The following APOLD1 variants were observed in gnomAD, a reference collection of about 807,000 sequenced individuals.
APOLD1 encodes apolipoprotein L domain containing 1, also known as apolipoprotein L domain-containing protein 1.
APOLD1 carries 22 observed loss-of-function variants against 15.3 expected under a neutral mutation model. The observed-to-expected ratio is 1.44, with a 90% confidence interval of 1.03 to 2.05. The LOEUF (loss-of-function observed/expected upper bound fraction) is 2.05, where lower values mean the gene tolerates loss of function less well. APOLD1 is among the 30% of genes most tolerant of loss of function. The pLI is 0.00. For synonymous variants in APOLD1, 190 were observed against 167.4 expected, an observed-to-expected ratio of 1.13 and a Z score of -1.04; for missense variants, 394 against 353.5, an observed-to-expected ratio of 1.11 and a Z score of -0.92.
At chr12:12,730,096 GAC>G (rs1489136380) in intron 1 of APOLD1, among the ~76,000 whole-genome samples, 17 of 149,528 alleles carry the variant, frequency 1.1e-4, no homozygotes, top group Admixed American at 1.1e-3. Flanking sequence ...GAGAGAGAGA[GAC>G]AGACAGGTTC....
intron 1 of APOLD1, 86 bp downstream of exon 1, chr12:12,785,780 G>T: frequency 1.5e-6 from 2 of 1,328,888 alleles, no homozygotes; most frequent in African/African-American, 1.4e-5. Flanking sequence ...TGGTGGGTTG[G>T]ATTATGGAAG....
In APOLD1 at chr12:12,787,679, G is replaced by A. The variant is rs779069669; in HGVS notation, c.*27G>A. The A allele has an allele frequency of 1.3e-6, 2 of 1,550,646 alleles. No individual in the cohort carries two copies. Among genetic ancestry groups the A allele is most frequent in the Admixed American group, 3.7e-5 (2 of 54,662 alleles). The stretch of plus-strand genomic sequence containing the variant: ...AACATCCTTTCCCCCTAATGACCGA[G>A]GCCAGCAAATCATCCTCATGGGATG... On this transcript the variant is annotated 3_prime_UTR_variant, in exon 2 of 2. Coordinates refer to ENST00000356591, the MANE Select transcript of APOLD1 (RefSeq NM_030817.3). This position sits in a 1 kb window ranked among gnomAD's most constrained non-coding sequence, Gnocchi z 4.9.
upstream of APOLD1, chr12:12,785,644 T>C (rs1287363178): frequency 1.2e-6 from 2 of 1,614,058 alleles, no homozygotes; most frequent in Non-Finnish European, 1.7e-6. Context: ...AGCACACTCA[T>C]CCAGAAACAG....
intron 1 of APOLD1, among the ~76,000 whole-genome samples, chr12:12,770,967 A>T (rs1449401526): frequency 1.3e-5 from 2 of 152,172 alleles, no homozygotes; most frequent in African/African-American, 4.8e-5. Context: ...TAATGTGTTG[A>T]GAGAAAAAAA....
intron 1 of APOLD1, among the ~76,000 whole-genome samples, chr12:12,772,114 TA>T (rs1946992745): frequency 6.6e-6 from 1 of 151,524 alleles, no homozygotes; most frequent in South Asian, 2.1e-4. Flanking sequence ...TAGAAAACAA[TA>T]AAAAATATAG....
chr12:12,730,506 C>T (rs1252236825), intron 1 of APOLD1, among the ~76,000 whole-genome samples: 6 of 151,422 alleles, frequency 4.0e-5, no homozygotes, highest in African/African-American at 1.5e-4. Flanking sequence ...CATGGTGAAA[C>T]CCCATCTCTA....
chr12:12,764,455 A>G (rs139979638), intron 1 of APOLD1, among the ~76,000 whole-genome samples: 4 of 152,360 alleles, frequency 2.6e-5, no homozygotes, highest in African/African-American at 7.2e-5. Flanking sequence ...GAAAACCACA[A>G]CCACATATGT....
At chr12:12,730,728 T>G (rs915258095) in intron 1 of APOLD1, among the ~76,000 whole-genome samples, 26 of 119,762 alleles carry the variant, frequency 2.2e-4, no homozygotes, top group Admixed American at 9.6e-4. Flanking sequence ...TTTTTTTTTT[T>G]GTCTATATAA....
At chr12:12,755,580 C>T (rs551591547) in intron 1 of APOLD1, among the ~76,000 whole-genome samples, 1 of 152,182 alleles carries the variant, frequency 6.6e-6, no homozygotes, top group South Asian at 2.1e-4. Flanking sequence ...GTGGCTCACC[C>T]TTGTAATCCC....
intron 1 of APOLD1, chr12:12,764,813 CA>C: frequency 2.7e-6 from 1 of 369,386 alleles, no homozygotes; most frequent in South Asian, 2.4e-5. Flanking sequence ...TAAGGAAGGC[CA>C]CAGCATGGTA....
At chr12:12,748,178 A>T (rs1946780591) in intron 1 of APOLD1, among the ~76,000 whole-genome samples, 1 of 152,204 alleles carries the variant, frequency 6.6e-6, no homozygotes. Flanking sequence ...AGTGAAAAAA[A>T]TATCTGCTGT....
At chr12:12,753,599 G>A (rs893183243) in intron 1 of APOLD1, among the ~76,000 whole-genome samples, 1 of 151,996 alleles carries the variant, frequency 6.6e-6, no homozygotes, top group African/African-American at 2.4e-5. Flanking sequence ...AGCCCAGGAG[G>A]TCGAGGTGGT....
intron 1 of APOLD1, 71 bp downstream of exon 1, chr12:12,785,765 A>G (rs1325199057): frequency 6.9e-6 from 10 of 1,457,678 alleles, no homozygotes; most frequent in Non-Finnish European, 4.8e-6. Flanking sequence ...CTGGAAAATT[A>G]TCCCTGGTGG....
intron 1 of APOLD1, among the ~76,000 whole-genome samples, chr12:12,759,080 C>T (rs931658112): frequency 7.9e-5 from 12 of 152,034 alleles, no homozygotes; most frequent in Admixed American, 4.6e-4. Flanking sequence ...ACATCCTGTG[C>T]GGGAGGGAGC....
At chr12:12,740,913 G>A (rs1338964313) in intron 1 of APOLD1, among the ~76,000 whole-genome samples, 2 of 152,104 alleles carry the variant, frequency 1.3e-5, no homozygotes, top group Admixed American at 1.3e-4. Context: ...GAGGCAGGAG[G>A]CTATTCAGTA....
At chr12:12,778,332 A>G (rs1331442009) in intron 1 of APOLD1, among the ~76,000 whole-genome samples, 1 of 145,018 alleles carries the variant, frequency 6.9e-6, no homozygotes, top group African/African-American at 2.6e-5. Flanking sequence ...TTTATTTTAC[A>G]TTTTTGAGAC....
Position 12,746,684 on chromosome 12 carries a change from T to C in APOLD1, c.96+20588T>C, listed in dbSNP as rs76323320. ...TTCAGGGAGGTACATGCACAGGTTG[T>C]ACATGGGTATATTGCATGATGCTGA... On this transcript the variant is annotated intron_variant, in intron 1 of 1. Transcript: ENST00000326765. Among the ~76,000 whole-genome samples, 73 of 152,288 alleles carry C rather than the reference T, an allele frequency of 4.8e-4. No individual in the cohort carries two copies. The East Asian group carries it at 0.013, about 27-fold the overall frequency.
At chr12:12,754,876 CAAA>C (rs56984147) in intron 1 of APOLD1, among the ~76,000 whole-genome samples, 8 of 98,798 alleles carry the variant, frequency 8.1e-5, no homozygotes, top group Middle Eastern at 5.2e-3. Flanking sequence ...CTTTGTCTCT[CAAA>C]AAAAAAAAAA....
chr12:12,730,063 TGTGTGTGTGTGTGTGAGAGA>T (rs778029066), intron 1 of APOLD1, among the ~76,000 whole-genome samples: 2,576 of 116,528 alleles, frequency 0.022, 84 homozygotes, highest in African/African-American at 0.091. Flanking sequence ...TGTGTGTGTG[TGTGTGTGTGTGTGTGAGAGA>T]GAGAGAGAGA....
Sources: gnomAD v4.1 joint callset for allele counts (sites outside exome capture counted in the v4.1 genomes callset) on GRCh38, gnomAD v4.1.1 for gene constraint, Gnocchi (gnomAD v3.1) non-coding constraint, MANE v1.5 for transcripts, NCBI Gene and HGNC (gene_info 2026-07-23, HGNC 2026-07-21) for gene names.